SLC24A2: variants seen among roughly 807,000 people sequenced by gnomAD.
SLC24A2 encodes sodium/potassium/calcium exchanger 2.
A neutral mutation model predicts 62.0 loss-of-function variants in SLC24A2; 36 were observed. That is an observed-to-expected ratio of 0.58 (90% CI 0.44 to 0.77). The LOEUF is 0.77. Among genes scored for constraint, SLC24A2 ranks in the 30% least tolerant of loss-of-function variants. The pLI is 0.00. For synonymous variants in SLC24A2, 358 were observed against 294.0 expected, an observed-to-expected ratio of 1.22 and a Z score of -2.23; for missense variants, 846 against 817.9, an observed-to-expected ratio of 1.03 and a Z score of -0.42.
At chr9:20,258,227 C>A in the SLC24A2 span, among the ~76,000 whole-genome samples, 1 of 152,174 alleles carries the variant, frequency 6.6e-6, no homozygotes, top group African/African-American at 2.4e-5. Flanking sequence ...TGGCTGTTAA[C>A]TTGACCAGAT....
the SLC24A2 span, among the ~76,000 whole-genome samples, chr9:20,112,216 C>A: frequency 1.3e-5 from 2 of 152,050 alleles, no homozygotes; most frequent in African/African-American, 4.8e-5. Flanking sequence ...GATCTCTCTG[C>A]CTGAAGGAAA....
Position 19,646,854 on chromosome 9 carries a change from T to A in SLC24A2, c.931-24555A>T, listed in dbSNP as rs115969059. On this transcript the variant is annotated intron_variant, in intron 2 of 10. Transcript: ENST00000341998. ...ATCCCAAAACACATATATGTACACA[T>A]GCACATACACTCACACACATGGAGG... Among the ~76,000 whole-genome samples the A allele has an allele frequency of 1.8e-3, 267 of 152,196 alleles. 1 individual carries two copies. The highest frequency in any genetic ancestry group is 5.9e-3 in the African/African-American group (244 of 41,548).
chr9:20,070,203 T>G, the SLC24A2 span, among the ~76,000 whole-genome samples: 2 of 152,102 alleles, frequency 1.3e-5, no homozygotes, highest in African/African-American at 4.8e-5. Flanking sequence ...CCTTGCTGGG[T>G]GTACAATTCC....
the SLC24A2 span, among the ~76,000 whole-genome samples, chr9:19,816,325 T>A: frequency 6.6e-6 from 1 of 152,018 alleles, no homozygotes; most frequent in Non-Finnish European, 1.5e-5. Flanking sequence ...AAGCATTCAT[T>A]TATAATATCC....
At chr9:20,047,555 G>C in the SLC24A2 span, among the ~76,000 whole-genome samples, 1 of 144,662 alleles carries the variant, frequency 6.9e-6, no homozygotes. Context: ...GAAAGTCCAA[G>C]ATCTGCAATG....
chr9:19,516,914 C>T (rs778396928), intron 10 of SLC24A2, among the ~76,000 whole-genome samples: 8 of 151,972 alleles, frequency 5.3e-5, no homozygotes, highest in African/African-American at 1.5e-4. Context: ...TTGGGGGCCA[C>T]GATACAATAT....
intron 10 of SLC24A2, among the ~76,000 whole-genome samples, chr9:19,520,632 C>CTAAAG (rs1171542520): frequency 5.9e-5 from 9 of 151,934 alleles, no homozygotes; most frequent in African/African-American, 2.2e-4. Context: ...AAGTGAAATT[C>CTAAAG]TAAAGTATTT....
At chr9:20,265,862 G>C in the SLC24A2 span, among the ~76,000 whole-genome samples, 4 of 152,182 alleles carry the variant, frequency 2.6e-5, no homozygotes, top group Non-Finnish European at 4.4e-5. Flanking sequence ...GAGTCCCTGA[G>C]GGTGGGCCTC....
chr9:19,887,109 C>A, the SLC24A2 span, among the ~76,000 whole-genome samples: 1 of 152,108 alleles, frequency 6.6e-6, no homozygotes, highest in African/African-American at 2.4e-5. Flanking sequence ...GCGCTTAATA[C>A]CTAGGTGATG....
chr9:19,847,429 C>T, the SLC24A2 span, among the ~76,000 whole-genome samples: 1 of 152,148 alleles, frequency 6.6e-6, no homozygotes, highest in Non-Finnish European at 1.5e-5. Flanking sequence ...GTCAACAAAA[C>T]TCTCAATTGC....
intron 8 of SLC24A2, among the ~76,000 whole-genome samples, chr9:19,538,796 T>TA (rs1198606020): frequency 8.3e-6 from 1 of 121,092 alleles, no homozygotes; most frequent in Non-Finnish European, 1.7e-5. Context: ...CTCCTCCTTG[T>TA]ACCTCTGGTA....
intron 4 of SLC24A2, among the ~76,000 whole-genome samples, chr9:19,605,302 C>T (rs1587023692): frequency 6.6e-6 from 1 of 152,112 alleles, no homozygotes; most frequent in South Asian, 2.1e-4. Context: ...ATTTTTTAGT[C>T]TGCTGAACAC....
chr9:20,161,555 A>T, the SLC24A2 span, among the ~76,000 whole-genome samples: 1 of 151,438 alleles, frequency 6.6e-6, no homozygotes, highest in African/African-American at 2.4e-5. Context: ...CTAAGGGATG[A>T]AAGGATGGTT....
intron 2 of SLC24A2, among the ~76,000 whole-genome samples, chr9:19,681,213 T>C (rs1819713156): frequency 6.6e-6 from 1 of 152,082 alleles, no homozygotes; most frequent in African/African-American, 2.4e-5. Context: ...GAGAAAGGTA[T>C]CCATTATTCT....
chr9:20,279,539 A>G, the SLC24A2 span, among the ~76,000 whole-genome samples: 1 of 152,256 alleles, frequency 6.6e-6, no homozygotes, highest in Non-Finnish European at 1.5e-5. Flanking sequence ...CTTAAAAAAT[A>G]AACAAAAAAT....
At chr9:19,911,089 C>G in the SLC24A2 span, among the ~76,000 whole-genome samples, 2 of 127,754 alleles carry the variant, frequency 1.6e-5, no homozygotes, top group South Asian at 5.1e-4. Context: ...CACAACAGTC[C>G]CCAGAGTGTG....
intron 7 of SLC24A2, among the ~76,000 whole-genome samples, chr9:19,550,651 C>A (rs1834798724): frequency 6.6e-6 from 1 of 151,774 alleles, no homozygotes; most frequent in Non-Finnish European, 1.5e-5. Flanking sequence ...GACAGAGTCA[C>A]AAGCTTTCAG....
chr9:19,614,296 T>A (rs4977231), intron 4 of SLC24A2, among the ~76,000 whole-genome samples: 95,268 of 152,036 alleles, frequency 0.63, 30,772 homozygotes, highest in East Asian at 0.78. Context: ...CAACCATTCA[T>A]CTGCCTTAAG....
chr9:19,946,266 C>G, the SLC24A2 span, among the ~76,000 whole-genome samples: 2 of 152,156 alleles, frequency 1.3e-5, no homozygotes, highest in African/African-American at 4.8e-5. Context: ...TCCTGCCTGA[C>G]ACGGGCACAT....
Sources: allele counts gnomAD v4.1 joint callset (sites outside exome capture counted in the v4.1 genomes callset), GRCh38; gene constraint gnomAD v4.1.1; transcripts MANE v1.5; gene names NCBI Gene and HGNC (gene_info 2026-07-23, HGNC 2026-07-21).